Variants in MSRA observed in about 807,000 individuals in gnomAD.
MSRA encodes mitochondrial peptide methionine sulfoxide reductase.
Under a neutral mutation model 31.3 loss-of-function variants are expected in MSRA, and 54 were observed. That is an observed-to-expected ratio of 1.73 (90% CI 1.39 to 2.17). The LOEUF (loss-of-function observed/expected upper bound fraction) is 2.17, where lower values mean the gene tolerates loss of function less well. MSRA is among the 30% of genes most tolerant of loss of function. MSRA has a pLI of 0.00. For synonymous variants in MSRA, 169 were observed against 116.5 expected, an observed-to-expected ratio of 1.45 and a Z score of -2.90; for missense variants, 507 against 300.9, an observed-to-expected ratio of 1.69 and a Z score of -5.07.
chr8:10,408,387 A>T (rs904986136), intron 5 of MSRA, among the ~76,000 whole-genome samples: 2 of 152,016 alleles, frequency 1.3e-5, no homozygotes, highest in African/African-American at 2.4e-5. Flanking sequence ...AATTTTTTTT[A>T]AAAAATTAGC....
chr8:10,149,305 T>C (rs925754502), intron 1 of MSRA, among the ~76,000 whole-genome samples: 6 of 152,100 alleles, frequency 3.9e-5, no homozygotes, highest in African/African-American at 1.4e-4. Context: ...GTATTTTTAG[T>C]AGAGATGGGG....
At chr8:10,209,129 A>C (rs1241151584) in intron 2 of MSRA, among the ~76,000 whole-genome samples, 1 of 152,202 alleles carries the variant, frequency 6.6e-6, no homozygotes, top group Non-Finnish European at 1.5e-5. Flanking sequence ...ATTTAAATGG[A>C]GAAGTTGATT....
intron 1 of MSRA, among the ~76,000 whole-genome samples, chr8:10,126,897 A>T (rs145042373): frequency 1.1e-3 from 173 of 152,344 alleles, no homozygotes; most frequent in Admixed American, 8.6e-3. Context: ...TGAGAATGCA[A>T]TGCTGCTACT....
At chr8:10,262,003 TC>T (rs1798510561) in intron 3 of MSRA, among the ~76,000 whole-genome samples, 1 of 152,224 alleles carries the variant, frequency 6.6e-6, no homozygotes, top group Admixed American at 6.5e-5. Context: ...TAGGTCTTTT[TC>T]ACTTAGCAGT....
chr8:10,085,063 A>G (rs747806327), intron 1 of MSRA, among the ~76,000 whole-genome samples: 1 of 152,196 alleles, frequency 6.6e-6, no homozygotes, highest in Non-Finnish European at 1.5e-5. Context: ...TATGGCAAAA[A>G]TCGTGAACAC....
chr8:10,214,074 G>T (rs1321255999), intron 2 of MSRA, among the ~76,000 whole-genome samples: 1 of 152,192 alleles, frequency 6.6e-6, no homozygotes, highest in Non-Finnish European at 1.5e-5. Context: ...TGGAAAACAT[G>T]TTTTCCGGGT....
chr8:10,257,695 A>G (rs752276087), intron 3 of MSRA, among the ~76,000 whole-genome samples: 4 of 152,196 alleles, frequency 2.6e-5, no homozygotes, highest in African/African-American at 4.8e-5. Flanking sequence ...CCATTTGACT[A>G]TAGATGTTAA....
In MSRA at chr8:10,098,485, CACTT is replaced by C. The variant is rs748890120; in HGVS notation, c.142+43829_142+43832del. Reference sequence around the variant, plus strand: ...ATTCAACAAATGTTTATTGAGCACTCACTTAAATATGCTAATATTTTATTGATAA... The same window carrying C: ...ATTCAACAAATGTTTATTGAGCACTCAAATATGCTAATATTTTATTGATAA... On this transcript the variant is annotated intron_variant, in intron 1 of 5. Transcript: ENST00000317173. 1.1e-4 allele frequency among the ~76,000 whole-genome samples: 17 copies of C among 152,242 alleles called. No individual in the cohort carries two copies. In the East Asian group the frequency reaches 1.7e-3, roughly 16 times the overall value.
intron 3 of MSRA, among the ~76,000 whole-genome samples, chr8:10,288,952 G>C (rs1422062467): frequency 6.6e-6 from 1 of 151,714 alleles, no homozygotes; most frequent in Non-Finnish European, 1.5e-5. Context: ...GGTGTTTGAA[G>C]TGGTGAGCTT....
chr8:10,178,970 A>G (rs757579793), intron 1 of MSRA, among the ~76,000 whole-genome samples: 2 of 152,144 alleles, frequency 1.3e-5, no homozygotes, highest in African/African-American at 4.8e-5. Context: ...TACTAGAGGA[A>G]TATGACTCTT....
chr8:10,347,699 T>G (rs1425727840), intron 5 of MSRA, among the ~76,000 whole-genome samples: 1 of 152,214 alleles, frequency 6.6e-6, no homozygotes, highest in Non-Finnish European at 1.5e-5. Flanking sequence ...CTCGCATGTC[T>G]CAGCCTAGCC....
chr8:10,255,073 T>C (rs954422206), intron 3 of MSRA, among the ~76,000 whole-genome samples: 1 of 152,208 alleles, frequency 6.6e-6, no homozygotes, highest in African/African-American at 2.4e-5. Context: ...GAGAGGGGGC[T>C]TCCCCCAGCA....
intron 1 of MSRA, among the ~76,000 whole-genome samples, chr8:10,064,948 C>T (rs1797385964): frequency 6.6e-6 from 1 of 152,108 alleles, no homozygotes; most frequent in African/African-American, 2.4e-5. Flanking sequence ...ATTTTGAATG[C>T]ACTGTTGTTA....
chr8:10,232,591 G>C (rs1247983253), intron 2 of MSRA, among the ~76,000 whole-genome samples: 1 of 152,176 alleles, frequency 6.6e-6, no homozygotes, highest in Non-Finnish European at 1.5e-5. Flanking sequence ...AATTTGCAGT[G>C]TCAATGTGTT....
At chr8:10,271,194 A>G (rs897430899) in intron 3 of MSRA, among the ~76,000 whole-genome samples, 15 of 152,186 alleles carry the variant, frequency 9.9e-5, no homozygotes, top group African/African-American at 2.4e-4. Flanking sequence ...ACATGTCACT[A>G]TATCAATGAT....
At chr8:10,123,466 TTGTC>T (rs1157008499) in intron 1 of MSRA, among the ~76,000 whole-genome samples, 1 of 152,184 alleles carries the variant, frequency 6.6e-6, no homozygotes, top group Admixed American at 6.5e-5. Flanking sequence ...ATTCTGTAGG[TTGTC>T]TGTTTACTCT....
chr8:10,337,334 C>T (rs180915583), intron 5 of MSRA, among the ~76,000 whole-genome samples: 201 of 152,228 alleles, frequency 1.3e-3, no homozygotes, highest in African/African-American at 4.6e-3. Context: ...CGCCCGCCAC[C>T]ACGCCTGGCT....
chr8:10,407,494 A>T (rs1047274377), intron 5 of MSRA, among the ~76,000 whole-genome samples: 2 of 152,204 alleles, frequency 1.3e-5, no homozygotes, highest in Admixed American at 1.3e-4. Context: ...TGCTATGGAC[A>T]TTGGATGGGG....
chr8:10,082,290 C>T (rs951006029), intron 1 of MSRA, among the ~76,000 whole-genome samples: 2 of 152,092 alleles, frequency 1.3e-5, no homozygotes, highest in Non-Finnish European at 2.9e-5. Context: ...CCTAGACTTT[C>T]CTGAAGACTG....
Sources: gnomAD v4.1 joint callset for allele counts (sites outside exome capture counted in the v4.1 genomes callset) on GRCh38, gnomAD v4.1.1 for gene constraint, MANE v1.5 for transcripts, NCBI Gene and HGNC (gene_info 2026-07-23, HGNC 2026-07-21) for gene names.